GRM5: variants seen among roughly 807,000 people sequenced by gnomAD.
GRM5 encodes glutamate metabotropic receptor 5, also known as metabotropic glutamate receptor 5.
In GRM5, 19 loss-of-function variants were observed where a neutral mutation model predicts 83.1. The ratio of observed to expected loss-of-function variants is 0.23; its 90% CI spans 0.16 to 0.34. The LOEUF (loss-of-function observed/expected upper bound fraction) is 0.34, where lower values mean the gene tolerates loss of function less well. Ranked by LOEUF, GRM5 falls within the 10% of genes least tolerant of loss-of-function variation. GRM5 has a pLI of 1.00. For missense variants in GRM5, 1,160 were observed against 1,588.3 expected (o/e 0.73, Z 4.58); for synonymous variants, 675 against 633.6 (o/e 1.07, Z -0.98).
At chr11:88,598,625 C>A (rs1937887405) in intron 5 of GRM5, among the ~76,000 whole-genome samples, 1 of 152,070 alleles carries the variant, frequency 6.6e-6, no homozygotes, top group East Asian at 1.9e-4. Context: ...TCTGTGCATG[C>A]AATGAGTTGA....
chr11:88,672,345 A>G (rs1940216124), intron 3 of GRM5, among the ~76,000 whole-genome samples: 1 of 151,934 alleles, frequency 6.6e-6, no homozygotes, highest in Admixed American at 6.6e-5. Context: ...TGACAAACAT[A>G]TTATATCTGT....
At chr11:88,678,174 G>T (rs1940385336) in intron 3 of GRM5, among the ~76,000 whole-genome samples, 2 of 151,386 alleles carry the variant, frequency 1.3e-5, no homozygotes, top group Admixed American at 6.6e-5. Flanking sequence ...TTCTCCCATT[G>T]CAGTCCCCAG....
intron 7 of GRM5, among the ~76,000 whole-genome samples, chr11:88,579,633 T>C (rs894906100): frequency 6.6e-6 from 1 of 152,164 alleles, no homozygotes; most frequent in Non-Finnish European, 1.5e-5. Flanking sequence ...TAAGAGCCTT[T>C]CTGACCTTTT....
chr11:88,723,406 T>C (rs924829936), intron 3 of GRM5, among the ~76,000 whole-genome samples: 1 of 152,168 alleles, frequency 6.6e-6, no homozygotes, highest in Non-Finnish European at 1.5e-5. Flanking sequence ...AGGGGCATGA[T>C]TGCTTGATAG....
At chr11:88,605,005 C>T (rs369791540) in intron 4 of GRM5, 41 bp from the exon 5 acceptor site, 4 of 1,549,968 alleles carry the variant, frequency 2.6e-6, no homozygotes, top group Admixed American at 1.7e-5. Flanking sequence ...AGGTACAAAT[C>T]TACTCTCGCG....
At chr11:89,013,121 A>T (rs1355698633) in intron 2 of GRM5, among the ~76,000 whole-genome samples, 1 of 152,218 alleles carries the variant, frequency 6.6e-6, no homozygotes, top group Non-Finnish European at 1.5e-5. Flanking sequence ...TTTGTAATAC[A>T]GTTAAGATCA....
intron 2 of GRM5, among the ~76,000 whole-genome samples, chr11:88,983,154 A>G (rs1273516250): frequency 6.6e-6 from 1 of 152,184 alleles, no homozygotes; most frequent in African/African-American, 2.4e-5. Flanking sequence ...TCAAATTCAC[A>G]TTTTTTAAGT....
At chr11:88,818,352 A>G (rs182663385) in intron 3 of GRM5, among the ~76,000 whole-genome samples, 46 of 152,216 alleles carry the variant, frequency 3.0e-4, no homozygotes, top group Non-Finnish European at 5.2e-4. Flanking sequence ...TCCATTCTGT[A>G]CAAAAGTATT....
chr11:89,042,969 A>T (rs919253343), intron 2 of GRM5, among the ~76,000 whole-genome samples: 1 of 152,218 alleles, frequency 6.6e-6, no homozygotes, highest in African/African-American at 2.4e-5. Flanking sequence ...ACAAATTAAC[A>T]TTCCTGTCAT....
intron 3 of GRM5, among the ~76,000 whole-genome samples, chr11:88,750,678 G>A (rs1234216728): frequency 1.3e-5 from 2 of 152,090 alleles, no homozygotes; most frequent in South Asian, 2.1e-4. Context: ...ATAATTGGGA[G>A]TAAAACACTC....
chr11:88,593,123 G>A (rs934615223), intron 6 of GRM5, among the ~76,000 whole-genome samples: 31 of 152,096 alleles, frequency 2.0e-4, no homozygotes, highest in African/African-American at 7.2e-4. Context: ...CCCACCCAGC[G>A]GTGCTTTCTT....
chr11:88,657,609 T>C (rs909591422), intron 3 of GRM5, among the ~76,000 whole-genome samples: 1 of 152,166 alleles, frequency 6.6e-6, no homozygotes, highest in African/African-American at 2.4e-5. Context: ...TACAATCTAC[T>C]CTTCCCCTTT....
chr11:88,613,997 A>T (rs1171453222), intron 4 of GRM5, among the ~76,000 whole-genome samples: 2 of 152,180 alleles, frequency 1.3e-5, no homozygotes, highest in Non-Finnish European at 2.9e-5. Context: ...GATCCAGAAG[A>T]TTGGGTATTC....
chr11:88,757,321 A>C (rs1942415193), intron 3 of GRM5, among the ~76,000 whole-genome samples: 2 of 152,130 alleles, frequency 1.3e-5, no homozygotes. Context: ...TCCTGCTAGC[A>C]CATGTGTGCA....
At chr11:88,595,740 CTT>C (rs1271400500) in intron 6 of GRM5, among the ~76,000 whole-genome samples, 1 of 152,130 alleles carries the variant, frequency 6.6e-6, no homozygotes, top group African/African-American at 2.4e-5. Context: ...CATTGTTCCT[CTT>C]CTTTGACCTT....
intron 3 of GRM5, among the ~76,000 whole-genome samples, chr11:88,765,050 A>G (rs893731896): frequency 7.9e-5 from 12 of 151,526 alleles, no homozygotes; most frequent in African/African-American, 2.9e-4. Context: ...AATAAAAAGG[A>G]TTATAAAGAG....
intron 8 of GRM5, 48 bp from the exon 9 acceptor site, chr11:88,525,452 G>T: frequency 1.8e-6 from 2 of 1,140,948 alleles, no homozygotes; most frequent in Non-Finnish European, 2.6e-6. Context: ...ACGTGATTGT[G>T]TGCTTAACTG....
intron 3 of GRM5, among the ~76,000 whole-genome samples, chr11:88,781,487 G>C (rs992764372): frequency 1.6e-4 from 24 of 152,108 alleles, no homozygotes; most frequent in African/African-American, 5.6e-4. Context: ...ATTTATGTCT[G>C]GATGTACACT....
At chr11:88,944,612 T>TAAC (rs975381938) in intron 2 of GRM5, among the ~76,000 whole-genome samples, 8 of 151,958 alleles carry the variant, frequency 5.3e-5, no homozygotes, top group Non-Finnish European at 8.8e-5. Context: ...GATCTCCAGA[T>TAAC]AACCTGTTTT....
Sources: gnomAD v4.1 joint callset for allele counts (sites outside exome capture counted in the v4.1 genomes callset) on GRCh38, gnomAD v4.1.1 for gene constraint, MANE v1.5 for transcripts, NCBI Gene and HGNC (gene_info 2026-07-23, HGNC 2026-07-21) for gene names.